The following CSGALNACT1 variants were observed in gnomAD, a reference collection of about 807,000 sequenced individuals.
The protein encoded by CSGALNACT1 is chondroitin sulfate N-acetylgalactosaminyltransferase 1, also known as beta4GalNAcT-1.
CSGALNACT1 carries 52 observed loss-of-function variants against 51.0 expected under a neutral mutation model. The observed-to-expected ratio is 1.02, with a 90% confidence interval of 0.82 to 1.29. CSGALNACT1 has a LOEUF of 1.29. Among genes scored for constraint, CSGALNACT1 ranks in the 50% most tolerant of loss-of-function variants. CSGALNACT1 has a pLI of 0.00. For synonymous variants in CSGALNACT1, 341 were observed against 254.4 expected (o/e 1.34, Z -3.24); for missense variants, 935 against 679.2 (o/e 1.38, Z -4.19).
intron 5 of CSGALNACT1, among the ~76,000 whole-genome samples, chr8:19,444,752 T>C (rs2061853938): frequency 6.6e-6 from 1 of 152,122 alleles, no homozygotes; most frequent in Non-Finnish European, 1.5e-5. Context: ...CTCATAACAC[T>C]TACTTAGGAA....
chr8:19,752,107 T>C (rs1199856022), intron 1 of CSGALNACT1, among the ~76,000 whole-genome samples: 1 of 143,528 alleles, frequency 7.0e-6, no homozygotes, highest in Admixed American at 7.2e-5. Flanking sequence ...TACATTATTA[T>C]ATTATATATA....
At chr8:19,519,851 C>G (rs1373864285) in intron 3 of CSGALNACT1, among the ~76,000 whole-genome samples, 3 of 152,196 alleles carry the variant, frequency 2.0e-5, no homozygotes, top group South Asian at 2.1e-4. Flanking sequence ...GATGGAGAAG[C>G]CTGGTCTGCC....
chr8:19,502,652 C>T (rs866871177), intron 4 of CSGALNACT1, among the ~76,000 whole-genome samples: 1 of 152,088 alleles, frequency 6.6e-6, no homozygotes, highest in African/African-American at 2.4e-5. Context: ...TTACTGAAAC[C>T]CAAAACCTCA....
intron 1 of CSGALNACT1, among the ~76,000 whole-genome samples, chr8:19,719,307 C>T (rs2062986222): frequency 6.6e-6 from 1 of 152,060 alleles, no homozygotes; most frequent in African/African-American, 2.4e-5. Context: ...GAATTCTTTC[C>T]CATGCCTGGC....
intron 4 of CSGALNACT1, among the ~76,000 whole-genome samples, chr8:19,461,777 G>GCGGC (rs1374526477): frequency 1.7e-5 from 2 of 116,692 alleles, no homozygotes; most frequent in African/African-American, 5.6e-5. Flanking sequence ...TATCTGCACA[G>GCGGC]CAGCCACATT....
rs531457695 is a variant in CSGALNACT1 at position 19,675,000 on chromosome 8, G to A, written c.-544+7473C>T. ...TCAAGAATCCATCTTGAGACTCAAA[G>A]TTGAGATGCTCAATTGACATCATCT... On this transcript the variant is annotated intron_variant, in intron 1 of 9. Transcript: ENST00000332246. Among the ~76,000 whole-genome samples the A allele has an allele frequency of 1.4e-3, 220 of 152,282 alleles. 4 individuals carry two copies. The highest frequency in any genetic ancestry group is 2.3e-3 in the Non-Finnish European group (156 of 68,024).
chr8:19,616,376 A>G (rs2053010425), intron 1 of CSGALNACT1, among the ~76,000 whole-genome samples: 1 of 152,108 alleles, frequency 6.6e-6, no homozygotes, highest in South Asian at 2.1e-4. Flanking sequence ...GACAAATACC[A>G]TCCCAAGGTA....
chr8:19,421,734 G>T (rs558310288), intron 6 of CSGALNACT1, among the ~76,000 whole-genome samples: 1 of 152,248 alleles, frequency 6.6e-6, no homozygotes, highest in African/African-American at 2.4e-5. Context: ...ATCTGGAATT[G>T]AATCAGTAAA....
chr8:19,643,649 A>AT (rs2056968991), intron 1 of CSGALNACT1, among the ~76,000 whole-genome samples: 1 of 152,136 alleles, frequency 6.6e-6, no homozygotes. Flanking sequence ...AAAAAAAAAA[A>AT]AAAGTGTGGA....
intron 2 of CSGALNACT1, among the ~76,000 whole-genome samples, chr8:19,597,812 G>A (rs2049287305): frequency 6.6e-6 from 1 of 152,222 alleles, no homozygotes; most frequent in Non-Finnish European, 1.5e-5. Context: ...ACCTTTGTTT[G>A]TGAAGTAGGA....
intron 2 of CSGALNACT1, among the ~76,000 whole-genome samples, chr8:19,592,768 T>G (rs2048105459): frequency 6.6e-6 from 1 of 151,988 alleles, no homozygotes; most frequent in African/African-American, 2.4e-5. Flanking sequence ...AGACCCTGTC[T>G]CTAATGAAAA....
intron 1 of CSGALNACT1, among the ~76,000 whole-genome samples, chr8:19,726,564 T>G (rs2063412475): frequency 6.6e-6 from 1 of 152,222 alleles, no homozygotes; most frequent in African/African-American, 2.4e-5. Context: ...TCACCTCACA[T>G]GCTTATCATT....
chr8:19,560,131 G>A lies in CSGALNACT1; in HGVS notation c.-297+31029C>T, dbSNP rs532572559. Reference sequence around the variant, plus strand: ...GTAGTAAGTAGAATGTAACCTGCACGGACCTTGGGGGACTGAACAAAGAGG... The same window carrying A: ...GTAGTAAGTAGAATGTAACCTGCACAGACCTTGGGGGACTGAACAAAGAGG... On this transcript the variant is annotated intron_variant, in intron 3 of 9. Coordinates refer to ENST00000454498, the Ensembl canonical transcript of CSGALNACT1. Among the ~76,000 whole-genome samples, 26 of 152,206 alleles carry A rather than the reference G, an allele frequency of 1.7e-4. 1 individual carries two copies. The highest frequency in any genetic ancestry group is 1.2e-3 in the Admixed American group (18 of 15,284).
chr8:19,608,213 C>T (rs1227012813), intron 1 of CSGALNACT1, among the ~76,000 whole-genome samples: 57 of 152,170 alleles, frequency 3.7e-4, no homozygotes, highest in Non-Finnish European at 8.8e-5. Flanking sequence ...AAGAATAGCT[C>T]GTCTAGGATG....
At chr8:19,607,575 G>A (rs1015082439) in intron 1 of CSGALNACT1, among the ~76,000 whole-genome samples, 1 of 152,068 alleles carries the variant, frequency 6.6e-6, no homozygotes, top group African/African-American at 2.4e-5. Context: ...AATCCTTCTG[G>A]GCTAGCCCTG....
chr8:19,570,428 T>C (rs906320697), intron 3 of CSGALNACT1, among the ~76,000 whole-genome samples: 1 of 152,186 alleles, frequency 6.6e-6, no homozygotes, highest in African/African-American at 2.4e-5. Flanking sequence ...CCATTCCAGC[T>C]GTCTCAATAG....
At chr8:19,737,786 T>C in intron 1 of CSGALNACT1, among the ~76,000 whole-genome samples, 1 of 152,284 alleles carries the variant, frequency 6.6e-6, no homozygotes, top group African/African-American at 2.4e-5. Flanking sequence ...TATTTTCACT[T>C]CAAAATAAAA....
chr8:19,555,022 C>T (rs1318954178), intron 3 of CSGALNACT1, among the ~76,000 whole-genome samples: 2 of 151,214 alleles, frequency 1.3e-5, no homozygotes, highest in African/African-American at 4.9e-5. Flanking sequence ...GGGTGAATCA[C>T]GTGGTCAGGA....
intron 6 of CSGALNACT1, among the ~76,000 whole-genome samples, chr8:19,437,974 G>C (rs2060655190): frequency 6.6e-6 from 1 of 152,196 alleles, no homozygotes; most frequent in South Asian, 2.1e-4. Context: ...TATTGATAAA[G>C]GTATAGCCTT....
Sources: gnomAD v4.1 joint callset for allele counts (sites outside exome capture counted in the v4.1 genomes callset) on GRCh38, gnomAD v4.1.1 for gene constraint, MANE v1.5 for transcripts, NCBI Gene and HGNC (gene_info 2026-07-23, HGNC 2026-07-21) for gene names.